EXOC6: variants seen among roughly 807,000 people sequenced by gnomAD.
EXOC6 encodes the protein SEC15-like 1.
In EXOC6, 60 loss-of-function variants were observed where a neutral mutation model predicts 112.5. That is an observed-to-expected ratio of 0.53 (90% CI 0.43 to 0.66). EXOC6 has a LOEUF of 0.66. EXOC6 is among the 30% of genes least tolerant of loss of function. The pLI is 0.00. For synonymous variants in EXOC6, 295 were observed against 308.0 expected, an observed-to-expected ratio of 0.96 and a Z score of 0.44; for missense variants, 855 against 957.1, an observed-to-expected ratio of 0.89 and a Z score of 1.41.
At chr10:92,897,310 C>G (rs1849878587) in intron 4 of EXOC6, among the ~76,000 whole-genome samples, 1 of 152,202 alleles carries the variant, frequency 6.6e-6, no homozygotes, top group Admixed American at 6.5e-5. Flanking sequence ...ACCTCCAGAA[C>G]TACCTGCTTT....
At chr10:93,050,865 C>T (rs892334140) in intron 20 of EXOC6, among the ~76,000 whole-genome samples, 2 of 150,992 alleles carry the variant, frequency 1.3e-5, no homozygotes, top group African/African-American at 2.4e-5. Context: ...GAGCGAGACT[C>T]TGTCTCAAAA....
chr10:92,942,099 G>T (rs1852701657), intron 13 of EXOC6, among the ~76,000 whole-genome samples: 1 of 152,136 alleles, frequency 6.6e-6, no homozygotes, highest in African/African-American at 2.4e-5. Flanking sequence ...TACTGTAATA[G>T]AAATTTTCGA....
rs1589689765 is a variant in EXOC6 at position 92,848,572 on chromosome 10, G to A, written c.39G>A (p.Glu13=). Residue 13 remains glutamate, a synonymous_variant, in exon 1 of 22, where the codon GAG becomes GAA. Coordinates refer to ENST00000260762, the MANE Select transcript of EXOC6 (RefSeq NM_019053.6). ...ENSESLGTVP[E]HERILQEIES... is the part of the protein sequence containing the mutation. ...GCGAGAGTCTGGGCACCGTCCCCGAGCACGAGCGGATCTTGCAGGAGATCG... is the reference window on the plus strand; with the variant it reads ...GCGAGAGTCTGGGCACCGTCCCCGAACACGAGCGGATCTTGCAGGAGATCG... 3 of 1,452,956 alleles carry A rather than the reference G, an allele frequency of 2.1e-6. No individual in the cohort carries two copies. Among genetic ancestry groups the A allele is most frequent in the Admixed American group, 2.0e-5 (1 of 49,706 alleles). The allele number at this position is 1,452,956 out of a possible 1,614,324, so 90.0% of individuals were successfully genotyped here.
intron 18 of EXOC6, among the ~76,000 whole-genome samples, chr10:92,981,298 G>A (rs185901084): frequency 2.5e-3 from 387 of 152,308 alleles, no homozygotes; most frequent in African/African-American, 8.6e-3. Context: ...ATGGAACTCA[G>A]TAACGTTTTA....
chr10:92,941,209 T>C (rs1852649202), intron 13 of EXOC6, among the ~76,000 whole-genome samples: 1 of 152,218 alleles, frequency 6.6e-6, no homozygotes, highest in Non-Finnish European at 1.5e-5. Flanking sequence ...ATCATTTCAC[T>C]TAACACAGTG....
intron 19 of EXOC6, among the ~76,000 whole-genome samples, chr10:93,009,199 G>T (rs989631156): frequency 2.0e-5 from 3 of 152,132 alleles, no homozygotes; most frequent in Non-Finnish European, 4.4e-5. Context: ...AACAGAGTGA[G>T]ACCCTGTCGC....
At chr10:92,887,842 C>G (rs991001648) in intron 1 of EXOC6, among the ~76,000 whole-genome samples, 1 of 152,182 alleles carries the variant, frequency 6.6e-6, no homozygotes, top group African/African-American at 2.4e-5. Context: ...GATTCTGGCA[C>G]TTGCCTGATT....
At position 92,935,815 on chromosome 10, in the gene EXOC6, C is replaced by A; in HGVS notation, c.1142C>A (p.Ser381Tyr). 1.2e-6 allele frequency: 2 copies of A among 1,602,328 alleles called. No individual in the cohort carries two copies. Among genetic ancestry groups the A allele is most frequent in the Non-Finnish European group, 1.7e-6 (2 of 1,171,748 alleles). ...KIIAVLRAHS[S>Y]YCTDPDLVLE... ...TTGTTTGTGTGTTTCCACCCTCAGTCCTATTGCACTGATCCTGATCTTGTT... is the reference window on the plus strand; with the variant it reads ...TTGTTTGTGTGTTTCCACCCTCAGTACTATTGCACTGATCCTGATCTTGTT... Residue 381 changes from serine to tyrosine, a missense_variant and splice_region_variant, in exon 12 of 22, where the codon TCC becomes TAC. This residue lies in a region of EXOC6 where 450 missense variants were observed against 563.5 expected (regional missense o/e 0.80). Coordinates refer to ENST00000260762, the MANE Select transcript of EXOC6 (RefSeq NM_019053.6).
chr10:92,852,880 C>G (rs1325083925), intron 1 of EXOC6, among the ~76,000 whole-genome samples: 2 of 152,012 alleles, frequency 1.3e-5, no homozygotes, highest in East Asian at 3.8e-4. Context: ...CTCACCACTT[C>G]TATTCAACAC....
intron 17 of EXOC6, among the ~76,000 whole-genome samples, chr10:92,970,135 C>T (rs1457128026): frequency 2.6e-5 from 4 of 152,076 alleles, no homozygotes; most frequent in South Asian, 2.1e-4. Flanking sequence ...GTTCTCGGTG[C>T]TAGGGATATA....
At chr10:92,977,576 A>G (rs1002943156) in intron 18 of EXOC6, among the ~76,000 whole-genome samples, 2 of 152,172 alleles carry the variant, frequency 1.3e-5, no homozygotes, top group East Asian at 3.9e-4. Flanking sequence ...TATAGTTTAT[A>G]CTAAATGATT....
chr10:93,032,909 T>C (rs1845334978), intron 20 of EXOC6, among the ~76,000 whole-genome samples: 1 of 152,010 alleles, frequency 6.6e-6, no homozygotes, highest in Admixed American at 6.6e-5. Flanking sequence ...CTGAGTGAAA[T>C]TGGGAAATAT....
chr10:93,026,766 G>T (rs922831165), intron 20 of EXOC6, among the ~76,000 whole-genome samples: 2 of 152,154 alleles, frequency 1.3e-5, no homozygotes, highest in Non-Finnish European at 2.9e-5. Flanking sequence ...CAATAAACCT[G>T]TGTGTTCTGA....
At chr10:92,900,203 G>A (rs7914859) in intron 5 of EXOC6, 119,759 of 152,056 alleles carry the variant, frequency 0.79, 48,386 homozygotes, top group East Asian at 1. Context: ...CTGAGGCAAG[G>A]GGATCACTTG....
At chr10:92,894,263 A>G (rs1849646085) in intron 2 of EXOC6, among the ~76,000 whole-genome samples, 2 of 152,144 alleles carry the variant, frequency 1.3e-5, no homozygotes. Context: ...TACTATGATG[A>G]CCTAATGAGT....
At chr10:93,049,595 G>C (rs1846183785) in intron 20 of EXOC6, among the ~76,000 whole-genome samples, 1 of 152,072 alleles carries the variant, frequency 6.6e-6, no homozygotes, top group Admixed American at 6.6e-5. Context: ...GTGTTGTTTT[G>C]TTTTAAATAG....
At chr10:93,029,455 CGAGATTTGAG>C (rs1349196845) in intron 20 of EXOC6, among the ~76,000 whole-genome samples, 3 of 152,004 alleles carry the variant, frequency 2.0e-5, no homozygotes, top group Non-Finnish European at 4.4e-5. Flanking sequence ...AATAACCTGC[CGAGATTTGAG>C]GCCATTTTTC....
intron 1 of EXOC6, among the ~76,000 whole-genome samples, chr10:92,881,040 A>G (rs1004802830): frequency 6.6e-6 from 1 of 152,112 alleles, no homozygotes; most frequent in Non-Finnish European, 1.5e-5. Context: ...AGTCAAATGG[A>G]TATTGGTTGC....
intron 1 of EXOC6, among the ~76,000 whole-genome samples, chr10:92,837,544 T>C (rs755851479): frequency 1.3e-5 from 2 of 152,120 alleles, no homozygotes. Context: ...GTGCCTGTAG[T>C]CTCAGCTACT....
Sources: allele counts gnomAD v4.1 joint callset (sites outside exome capture counted in the v4.1 genomes callset), GRCh38; gene constraint gnomAD v4.1.1; regional missense constraint gnomAD v4.1.1; transcripts MANE v1.5; gene names NCBI Gene and HGNC (gene_info 2026-07-23, HGNC 2026-07-21).